The following JAK1 variants were observed in gnomAD, a reference collection of about 807,000 sequenced individuals.
JAK1 encodes tyrosine-protein kinase JAK1.
JAK1 carries 16 observed loss-of-function variants against 136.6 expected under a neutral mutation model. The observed-to-expected ratio is 0.12, with a 90% CI of 0.08 to 0.18. JAK1 has a LOEUF of 0.18. Ranked by LOEUF, JAK1 falls within the 10% of genes least tolerant of loss-of-function variation. JAK1 has a pLI of 1.00. For synonymous variants in JAK1, 492 were observed against 519.5 expected (o/e 0.95, Z 0.72); for missense variants, 859 against 1,450.1 (o/e 0.59, Z 6.62).
In JAK1 at chr1:65,063,114, C is replaced by T. The variant is rs557792389; in HGVS notation, c.-181+4490G>A. On this transcript the variant is annotated intron_variant, in intron 1 of 25. Coordinates refer to the JAK1 transcript ENST00000671954. ...GAAAGGAGTCAGCAGCCTTGTGGGC[C>T]CAAATGCCACGAGTGGAGCCGTGAT... Among the ~76,000 whole-genome samples, 14 of 152,198 alleles carry T rather than the reference C, an allele frequency of 9.2e-5. No homozygotes were observed. The South Asian group carries it at 1.2e-3, about 14-fold the overall frequency.
At chr1:64,976,912 T>A (rs1277129374) in intron 2 of JAK1, among the ~76,000 whole-genome samples, 4 of 152,134 alleles carry the variant, frequency 2.6e-5, no homozygotes, top group Non-Finnish European at 2.9e-5. Flanking sequence ...GGGTATTAGA[T>A]CGTGTGTCTT....
At chr1:64,896,868 G>A (rs1645021838) in intron 1 of JAK1, among the ~76,000 whole-genome samples, 1 of 152,168 alleles carries the variant, frequency 6.6e-6, no homozygotes, top group African/African-American at 2.4e-5. Flanking sequence ...GAAAACCTCA[G>A]CCCTGCCACT....
chr1:65,046,083 G>A (rs1195646419), intron 1 of JAK1, among the ~76,000 whole-genome samples: 1 of 152,244 alleles, frequency 6.6e-6, no homozygotes, highest in Non-Finnish European at 1.5e-5. Flanking sequence ...ACTCTTTTAA[G>A]AACTGTCTTG....
chr1:64,922,155 A>G (rs922899955), intron 1 of JAK1, among the ~76,000 whole-genome samples: 28 of 152,182 alleles, frequency 1.8e-4, no homozygotes, highest in East Asian at 1.5e-3. Flanking sequence ...ATGGAAAAAA[A>G]AAACCACAAC....
At chr1:64,927,748 G>A (rs910026962) in intron 1 of JAK1, among the ~76,000 whole-genome samples, 1 of 152,152 alleles carries the variant, frequency 6.6e-6, no homozygotes, top group Non-Finnish European at 1.5e-5. Flanking sequence ...CAACTCAAAC[G>A]TCTATTAAGC....
chr1:64,896,016 A>T (rs1268547457), intron 1 of JAK1, among the ~76,000 whole-genome samples: 1 of 152,224 alleles, frequency 6.6e-6, no homozygotes, highest in East Asian at 1.9e-4. Flanking sequence ...GGGAACGGGG[A>T]AGCTATCCAA....
At chr1:64,929,841 C>A (rs949477166) in intron 1 of JAK1, among the ~76,000 whole-genome samples, 3 of 152,108 alleles carry the variant, frequency 2.0e-5, no homozygotes, top group Non-Finnish European at 4.4e-5. Flanking sequence ...GACATATAGA[C>A]AAGTGGAACA....
intron 1 of JAK1, among the ~76,000 whole-genome samples, chr1:65,061,819 T>G (rs1482031203): frequency 6.6e-6 from 1 of 152,178 alleles, no homozygotes; most frequent in African/African-American, 2.4e-5. Flanking sequence ...TGCCAAAGAT[T>G]GATGAGGTGG....
chr1:65,007,449 T>TTTTTG lies in JAK1; in HGVS notation c.-78+37026_-78+37030dup, dbSNP rs749700849. Among the ~76,000 whole-genome samples the TTTTTG allele has an allele frequency of 7.9e-5, 12 of 152,144 alleles. No individual in the cohort carries two copies. The South Asian group carries it at 8.3e-4, about 11-fold the overall frequency. On this transcript the variant is annotated intron_variant, in intron 2 of 25. Transcript: ENST00000671954. ...CTACTCTTATTTCTTTCTTTGTTGT[T>TTTTTG]TTTTGTTTTGTTTTGTTTTGTTTTT...
At chr1:65,058,385 T>C in intron 1 of JAK1, 1 of 533,896 alleles carries the variant, frequency 1.9e-6, no homozygotes, top group Non-Finnish European at 3.8e-6. Context: ...TCTTTCACCT[T>C]CTTTCTTCCT....
chr1:65,020,103 T>A (rs1251907770), intron 2 of JAK1, among the ~76,000 whole-genome samples: 1 of 149,486 alleles, frequency 6.7e-6, no homozygotes, highest in East Asian at 2.0e-4. Context: ...TGCATGCCTG[T>A]AATCCTAGCT....
At chr1:65,029,622 G>A (rs185734488) in intron 2 of JAK1, among the ~76,000 whole-genome samples, 5 of 152,290 alleles carry the variant, frequency 3.3e-5, no homozygotes, top group Admixed American at 1.3e-4. Flanking sequence ...GGAGTACTAT[G>A]CAGCCATAAA....
chr1:65,063,866 G>A (rs2100898246), intron 1 of JAK1, among the ~76,000 whole-genome samples: 1 of 150,864 alleles, frequency 6.6e-6, no homozygotes, highest in Middle Eastern at 3.4e-3. Context: ...ATGAAAAGGA[G>A]TAATGCAGGC....
At chr1:64,941,771 A>G (rs940287044) in intron 1 of JAK1, among the ~76,000 whole-genome samples, 10 of 152,180 alleles carry the variant, frequency 6.6e-5, no homozygotes, top group African/African-American at 2.4e-4. Context: ...TGACTCTCTA[A>G]GTTTAGTGGA....
intron 1 of JAK1, among the ~76,000 whole-genome samples, chr1:64,951,418 AGGACTAAATAAGTCTCTTCACAG>A (rs1290398639): frequency 1.3e-5 from 2 of 152,326 alleles, no homozygotes; most frequent in African/African-American, 4.8e-5. Flanking sequence ...ATCTTTAAAG[AGGACTAAATAAGTCTCTTCACAG>A]GGTTCCTACT....
chr1:65,043,521 T>C (rs1338323997), intron 2 of JAK1, among the ~76,000 whole-genome samples: 1 of 151,976 alleles, frequency 6.6e-6, no homozygotes, highest in African/African-American at 2.4e-5. Context: ...TGATTATATA[T>C]ATATATAGTT....
At chr1:65,046,888 T>G (rs1446165423) in intron 1 of JAK1, among the ~76,000 whole-genome samples, 1 of 150,280 alleles carries the variant, frequency 6.7e-6, no homozygotes, top group Non-Finnish European at 1.5e-5. Flanking sequence ...TTTTTTTTTT[T>G]TTTGGTTAAC....
At chr1:64,860,997 G>C (rs942327574) in intron 8 of JAK1, among the ~76,000 whole-genome samples, 1 of 149,336 alleles carries the variant, frequency 6.7e-6, no homozygotes, top group Non-Finnish European at 1.5e-5. Context: ...GTGACGCGGT[G>C]GGGGAGGCTG....
chr1:64,884,316 C>T (rs7539831), intron 2 of JAK1, among the ~76,000 whole-genome samples: 9,450 of 152,026 alleles, frequency 0.062, 609 homozygotes, highest in African/African-American at 0.16. Context: ...AAGCCCTACA[C>T]ATTCTTTCTT....
Sources: allele counts gnomAD v4.1 joint callset (sites outside exome capture counted in the v4.1 genomes callset), GRCh38; gene constraint gnomAD v4.1.1; transcripts MANE v1.5; gene names NCBI Gene and HGNC (gene_info 2026-07-23, HGNC 2026-07-21).